NPLOC4: variants seen among roughly 807,000 people sequenced by gnomAD.
The protein encoded by NPLOC4 is NPL4 homolog, ubiquitin recognition factor, also known as nuclear protein localization protein 4 homolog.
A neutral mutation model predicts 80.6 loss-of-function variants in NPLOC4; 18 were observed. That is an observed-to-expected ratio of 0.22 (90% CI 0.15 to 0.33). The LOEUF is 0.33. Among genes scored for constraint, NPLOC4 ranks in the 10% least tolerant of loss-of-function variants. The pLI is 1.00. For synonymous variants in NPLOC4, 313 were observed against 301.5 expected, an observed-to-expected ratio of 1.04 and a Z score of -0.39; for missense variants, 540 against 786.1, an observed-to-expected ratio of 0.69 and a Z score of 3.74.
At chr17:81,571,268 C>T (rs2034154032) in intron 13 of NPLOC4, among the ~76,000 whole-genome samples, 1 of 152,200 alleles carries the variant, frequency 6.6e-6, no homozygotes, top group Non-Finnish European at 1.5e-5. Context: ...GGAAATGAGC[C>T]GCCTCCCGTC....
At chr17:81,583,177 G>A (rs7502085) in intron 12 of NPLOC4, among the ~76,000 whole-genome samples, 35,144 of 152,178 alleles carry the variant, frequency 0.23, 4,359 homozygotes, top group Admixed American at 0.3. Context: ...ATCAAAACTC[G>A]AAAAACCTTC....
intron 12 of NPLOC4, 73 bp downstream of exon 12, chr17:81,588,871 C>T: frequency 2.2e-6 from 3 of 1,379,254 alleles, no homozygotes; most frequent in South Asian, 2.8e-5. Flanking sequence ...AGAATGCACC[C>T]AAATTAGAAA....
intron 6 of NPLOC4, among the ~76,000 whole-genome samples, chr17:81,607,393 CAAAAAAAA>C (rs1158799161): frequency 0.035 from 2,697 of 77,890 alleles, 78 homozygotes; most frequent in African/African-American, 0.11. Context: ...ATATAACTGA[CAAAAAAAA>C]AAAAAAAAGA....
intron 1 of NPLOC4, among the ~76,000 whole-genome samples, chr17:81,630,933 G>A (rs2035911885): frequency 6.6e-6 from 1 of 152,128 alleles, no homozygotes; most frequent in African/African-American, 2.4e-5. Context: ...AGCACTTTGG[G>A]AGGCCAATGC....
intron 7 of NPLOC4, among the ~76,000 whole-genome samples, chr17:81,605,427 CTT>C (rs1278758236): frequency 2.0e-5 from 3 of 151,634 alleles, no homozygotes; most frequent in Non-Finnish European, 2.9e-5. Flanking sequence ...AGGCGGATCT[CTT>C]GAGTCCAGGA....
In NPLOC4 at chr17:81,596,515, G is replaced by A. The variant is rs533984665; in HGVS notation, c.994-273C>T. Among the ~76,000 whole-genome samples the A allele has an allele frequency of 8.5e-5, 13 of 152,202 alleles. No individual in the cohort carries two copies. In the South Asian group the frequency reaches 1.7e-3, roughly 19 times the overall value. On this transcript the variant is annotated intron_variant, in intron 10 of 16. Coordinates refer to ENST00000331134, the MANE Select transcript of NPLOC4 (RefSeq NM_017921.4). ...CAGGAGGAGGAAGCTGTAGTGAGCCGAGATTGTGCCATTGCACTCCAACCT... is the reference window on the plus strand; with the variant it reads ...CAGGAGGAGGAAGCTGTAGTGAGCCAAGATTGTGCCATTGCACTCCAACCT...
intron 11 of NPLOC4, among the ~76,000 whole-genome samples, chr17:81,595,521 C>CATAT (rs200215584): frequency 1.9e-5 from 2 of 104,680 alleles, no homozygotes; most frequent in African/African-American, 6.6e-5. Context: ...TATACATATA[C>CATAT]ATATATATAT....
chr17:81,605,085 C>T (rs2035165934), intron 7 of NPLOC4, among the ~76,000 whole-genome samples: 1 of 151,226 alleles, frequency 6.6e-6, no homozygotes, highest in Admixed American at 6.6e-5. Flanking sequence ...ATGATGAAAT[C>T]CCGTCTCTAT....
intron 1 of NPLOC4, among the ~76,000 whole-genome samples, chr17:81,636,095 C>A (rs1036611031): frequency 6.6e-6 from 1 of 152,060 alleles, no homozygotes; most frequent in Admixed American, 6.6e-5. Flanking sequence ...GCCTCAGCCT[C>A]CCAAGTATCT....
chr17:81,569,724 C>T (rs2034109439), intron 13 of NPLOC4, among the ~76,000 whole-genome samples: 1 of 152,196 alleles, frequency 6.6e-6, no homozygotes, highest in Non-Finnish European at 1.5e-5. Flanking sequence ...TTCTCTCTCC[C>T]TCAGAGCTGA....
chr17:81,627,387 C>A (rs1261007943), intron 2 of NPLOC4, among the ~76,000 whole-genome samples: 2 of 139,422 alleles, frequency 1.4e-5, no homozygotes, highest in Non-Finnish European at 1.6e-5. Flanking sequence ...AAGACTCCGT[C>A]TCAAAAAAAA....
At position 81,622,120 on chromosome 17, in the gene NPLOC4, A is replaced by G. The variant is rs549259716; in HGVS notation, c.209+46T>C. The G allele has an allele frequency of 1.7e-4, 237 of 1,367,206 alleles. 4 individuals carry two copies. The South Asian group carries it at 2.7e-3, about 15-fold the overall frequency. 84.7% of individuals were successfully genotyped at this position (1,367,206 alleles called of 1,614,324 possible). A position where few individuals can be genotyped will look rare whatever the true frequency, so the allele number is the denominator to read the frequency against. The stretch of plus-strand genomic sequence containing the variant: ...CGGCAACCTCGGGCAGATCATGGGG[A>G]CCTCATTTCCCCCCATTCCCTGCTT... On this transcript the variant is annotated intron_variant, in intron 3 of 16. Coordinates refer to ENST00000331134, the MANE Select transcript of NPLOC4 (RefSeq NM_017921.4).
At position 81,558,574 on chromosome 17, in the gene NPLOC4, GT is replaced by G. The variant is rs2033727538; in HGVS notation, c.*684del. The stretch of plus-strand genomic sequence containing the variant: ...GTCTCTCTCACTCCCCTTTTGTGCA[GT>G]TTTTATCTTAAAAAAAAATAAATAA... On this transcript the variant is annotated 3_prime_UTR_variant, in exon 17 of 17. Transcript: ENST00000331134. 6.6e-6 allele frequency: 1 copy of G among 152,136 alleles called. No homozygotes were observed. The allele number at this position is 152,136 out of a possible 1,614,324, so 9.4% of individuals were successfully genotyped here.
At chr17:81,571,290 G>C (rs574087220) in intron 13 of NPLOC4, among the ~76,000 whole-genome samples, 11 of 152,374 alleles carry the variant, frequency 7.2e-5, no homozygotes, top group African/African-American at 2.6e-4. Context: ...GCTTTGGACA[G>C]AGCTCCGGTG....
chr17:81,569,504 G>T (rs549774164), intron 13 of NPLOC4, among the ~76,000 whole-genome samples: 1 of 152,252 alleles, frequency 6.6e-6, no homozygotes, highest in Non-Finnish European at 1.5e-5. Flanking sequence ...GGAAGGGCCA[G>T]GAGGCCGCCC....
chr17:81,583,360 C>T (rs1468329993), intron 12 of NPLOC4, among the ~76,000 whole-genome samples: 4 of 152,216 alleles, frequency 2.6e-5, no homozygotes, highest in Non-Finnish European at 1.5e-5. Flanking sequence ...ATTTATTCTC[C>T]ATAATTACAA....
At chr17:81,615,156 GTGGCGTGAT>G (rs1313792909) in intron 3 of NPLOC4, among the ~76,000 whole-genome samples, 1 of 145,960 alleles carries the variant, frequency 6.9e-6, no homozygotes, top group African/African-American at 2.6e-5. Context: ...CTGGAGTGCA[GTGGCGTGAT>G]CTTGGCTCAC....
chr17:81,623,360 C>T (rs921201079), intron 2 of NPLOC4, among the ~76,000 whole-genome samples: 1 of 145,650 alleles, frequency 6.9e-6, no homozygotes, highest in Non-Finnish European at 1.5e-5. Context: ...CCCAGCTACC[C>T]GGGAGGCTGA....
chr17:81,606,600 G>A (rs1282719891), intron 7 of NPLOC4, 91 bp downstream of exon 7: 21 of 1,391,320 alleles, frequency 1.5e-5, no homozygotes, highest in Non-Finnish European at 2.0e-5. Context: ...ACCACGCATA[G>A]TGCTAATAGC....
Sources: gnomAD v4.1 joint callset for allele counts (sites outside exome capture counted in the v4.1 genomes callset) on GRCh38, gnomAD v4.1.1 for gene constraint, MANE v1.5 for transcripts, NCBI Gene and HGNC (gene_info 2026-07-23, HGNC 2026-07-21) for gene names.